Variants in LCP1 observed in about 807,000 individuals in gnomAD.
The protein encoded by LCP1 is plastin-2.
Under a neutral mutation model 72.0 loss-of-function variants are expected in LCP1, and 23 were observed. That is an observed-to-expected ratio of 0.32 (90% CI 0.23 to 0.45). The LOEUF is 0.45. Ranked by LOEUF, LCP1 falls within the 20% of genes least tolerant of loss-of-function variation. The pLI is 1.00. For missense variants in LCP1, 571 were observed against 748.3 expected (o/e 0.76, Z 2.76); for synonymous variants, 245 against 275.4 (o/e 0.89, Z 1.09).
chr13:46,160,332 C>T (rs899925200), intron 1 of LCP1, among the ~76,000 whole-genome samples: 1 of 152,156 alleles, frequency 6.6e-6, no homozygotes, highest in Non-Finnish European at 1.5e-5. Flanking sequence ...GAAGACAAAA[C>T]GAGTGATGTC....
At chr13:46,156,664 G>A in intron 4 of LCP1, 94 bp from the exon 5 acceptor site, 3 of 1,307,274 alleles carry the variant, frequency 2.3e-6, no homozygotes, top group Non-Finnish European at 3.3e-6. Flanking sequence ...ATTCCCAGCA[G>A]AGAGATGTGA....
intron 15 of LCP1, among the ~76,000 whole-genome samples, chr13:46,130,233 G>A (rs74073785): frequency 0.014 from 2,130 of 152,306 alleles, 45 homozygotes; most frequent in African/African-American, 0.047. Flanking sequence ...AAACATCTTA[G>A]GCTTTGTTGC....
chr13:46,159,996 G>A (rs1224195306), intron 1 of LCP1, among the ~76,000 whole-genome samples: 1 of 152,150 alleles, frequency 6.6e-6, no homozygotes, highest in Non-Finnish European at 1.5e-5. Context: ...ACCATTAGAG[G>A]GTGGTAGAAA....
At chr13:46,161,221 C>T (rs2138266111) in intron 1 of LCP1, among the ~76,000 whole-genome samples, 1 of 152,164 alleles carries the variant, frequency 6.6e-6, no homozygotes, top group African/African-American at 2.4e-5. Flanking sequence ...TGAAAAAACC[C>T]AAATGTACCC....
intron 12 of LCP1, among the ~76,000 whole-genome samples, chr13:46,142,965 T>G (rs1566436476): frequency 6.6e-6 from 1 of 152,208 alleles, no homozygotes; most frequent in Non-Finnish European, 1.5e-5. Flanking sequence ...AAGCTGTCAG[T>G]ACAAGCTCCA....
At chr13:46,150,907 G>A (rs765383595) in intron 8 of LCP1, 29 bp downstream of exon 8, 3 of 1,605,202 alleles carry the variant, frequency 1.9e-6, no homozygotes, top group Non-Finnish European at 2.6e-6. Context: ...CTCCTGCAGA[G>A]AGTCATGTTC....
chr13:46,133,626 A>G (rs2045646350), intron 14 of LCP1, among the ~76,000 whole-genome samples: 1 of 152,168 alleles, frequency 6.6e-6, no homozygotes, highest in South Asian at 2.1e-4. Flanking sequence ...ACCTTGTCAC[A>G]AAAAACAGAT....
chr13:46,143,493 C>A, intron 11 of LCP1, 89 bp from the exon 12 acceptor site: 1 of 825,820 alleles, frequency 1.2e-6, no homozygotes, highest in Non-Finnish European at 2.0e-6. Flanking sequence ...CATATTAGTT[C>A]AAAGAATATT....
intron 14 of LCP1, among the ~76,000 whole-genome samples, chr13:46,133,890 A>T (rs1320772581): frequency 6.6e-6 from 1 of 152,056 alleles, no homozygotes; most frequent in Non-Finnish European, 1.5e-5. Context: ...CCAAAATAAA[A>T]GTTGAAATTT....
At chr13:46,177,174 T>A (rs1247003255) in intron 1 of LCP1, among the ~76,000 whole-genome samples, 1 of 152,240 alleles carries the variant, frequency 6.6e-6, no homozygotes, top group Non-Finnish European at 1.5e-5. Flanking sequence ...CTTCTTCCAC[T>A]AACATTTAAA....
chr13:46,158,663 T>G lies in LCP1; in HGVS notation c.229-12A>C. 6.2e-7 allele frequency: 1 copy of G among 1,614,028 alleles called. No individual in the cohort carries two copies. Among genetic ancestry groups the G allele is most frequent in the Non-Finnish European group, 8.5e-7 (1 of 1,179,968 alleles). On this transcript the variant is annotated splice_polypyrimidine_tract_variant and intron_variant, in intron 3 of 15. Transcript: ENST00000323076. The stretch of plus-strand genomic sequence containing the variant: ...AGGCCATGGAAAATCTGCAAAAATA[T>G]AATGTATCTTTAGAAACTCAAGCAG...
intron 1 of LCP1, among the ~76,000 whole-genome samples, chr13:46,164,996 TGCAAAGG>T (rs1041496797): frequency 6.6e-6 from 1 of 152,164 alleles, no homozygotes; most frequent in African/African-American, 2.4e-5. Flanking sequence ...AAACTGAATG[TGCAAAGG>T]GCAGTAATTT....
chr13:46,171,294 T>C (rs1426430252), intron 1 of LCP1, among the ~76,000 whole-genome samples: 3 of 152,196 alleles, frequency 2.0e-5, no homozygotes, highest in African/African-American at 7.2e-5. Flanking sequence ...TTTCTGGCTA[T>C]GGGATTCCTG....
Position 46,151,129 on chromosome 13 carries a change from G to T in LCP1, c.740-51C>A, listed in dbSNP as rs774502004. ...AAATAAATGCAGCGATGTTGGGGGAGGGGGGTTGGTTATAACTTTCATTAA... is the reference window on the plus strand; with the variant it reads ...AAATAAATGCAGCGATGTTGGGGGATGGGGGTTGGTTATAACTTTCATTAA... On this transcript the variant is annotated intron_variant, in intron 7 of 15. Transcript: ENST00000323076. 6.4e-6 allele frequency: 10 copies of T among 1,560,874 alleles called. No individual in the cohort carries two copies. In the Admixed American group the frequency reaches 1.7e-4, roughly 27 times the overall value.
At chr13:46,138,395 ACTTCTC>A (rs1238488215) in intron 13 of LCP1, among the ~76,000 whole-genome samples, 2 of 152,144 alleles carry the variant, frequency 1.3e-5, no homozygotes, top group African/African-American at 4.8e-5. Context: ...ATCAGTCATT[ACTTCTC>A]CTTCTACAGT....
chr13:46,160,196 C>T (rs900857212), intron 1 of LCP1, among the ~76,000 whole-genome samples: 3 of 152,178 alleles, frequency 2.0e-5, no homozygotes, highest in Admixed American at 1.3e-4. Flanking sequence ...GCATCAATGC[C>T]AGCAACCTGA....
At chr13:46,130,270 G>A (rs1347373595) in intron 15 of LCP1, among the ~76,000 whole-genome samples, 1 of 152,222 alleles carries the variant, frequency 6.6e-6, no homozygotes, top group African/African-American at 2.4e-5. Flanking sequence ...TGTTATAGCA[G>A]GGAAGCAGCT....
At chr13:46,149,044 AT>A (rs1282330127) in intron 8 of LCP1, among the ~76,000 whole-genome samples, 1 of 152,202 alleles carries the variant, frequency 6.6e-6, no homozygotes, top group Non-Finnish European at 1.5e-5. Flanking sequence ...CAGGTATTGA[AT>A]TCTCAAGTTT....
rs749381028 is a variant in LCP1, at chr13:46,146,920, C to T, written c.1162G>A (p.Gly388Arg). 9 of 1,614,028 alleles carry T rather than the reference C, an allele frequency of 5.6e-6. No homozygotes were observed. Among genetic ancestry groups the T allele is most frequent in the South Asian group, 1.1e-5 (1 of 91,084 alleles). ...HKPENQDIDW[G>R]ALEGETREER... The stretch of plus-strand genomic sequence containing the variant: ...CGTTTACAGTTACCTTCAAGAGCCC[C>T]CCAGTCAATGTCCTGGTTCTCTGGT... The change falls in exon 10 of 16, where the codon GGG becomes AGG. Residue 388 changes from glycine (G) to arginine (R), a missense_variant. Gly to Arg is a moderately radical substitution (Grantham distance 125, BLOSUM62 -2). Coordinates refer to ENST00000323076, the MANE Select transcript of LCP1 (RefSeq NM_002298.5).
Sources: gnomAD v4.1 joint callset for allele counts (sites outside exome capture counted in the v4.1 genomes callset) on GRCh38, gnomAD v4.1.1 for gene constraint, MANE v1.5 for transcripts, NCBI Gene and HGNC (gene_info 2026-07-23, HGNC 2026-07-21) for gene names.